The following FSTL4 variants were observed in gnomAD, a reference collection of about 807,000 sequenced individuals.
The protein encoded by FSTL4 is follistatin like 4, also known as follistatin-related protein 4.
FSTL4 carries 28 observed loss-of-function variants against 78.2 expected under a neutral mutation model. The ratio of observed to expected loss-of-function variants is 0.36; its 90% confidence interval spans 0.27 to 0.49. FSTL4 has a LOEUF of 0.49. Ranked by LOEUF, FSTL4 falls within the 20% of genes least tolerant of loss-of-function variation. The pLI is 0.98. For synonymous variants in FSTL4, 422 were observed against 440.5 expected (o/e 0.96, Z 0.53); for missense variants, 922 against 1,084.9 (o/e 0.85, Z 2.11).
intron 8 of FSTL4, among the ~76,000 whole-genome samples, chr5:133,231,447 C>A (rs1184413197): frequency 6.6e-6 from 1 of 152,082 alleles, no homozygotes; most frequent in African/African-American, 2.4e-5. Context: ...TGGCAGAGAC[C>A]CAACTCTTTC....
intron 6 of FSTL4, among the ~76,000 whole-genome samples, chr5:133,281,079 G>C (rs1752997132): frequency 6.6e-6 from 1 of 152,192 alleles, no homozygotes; most frequent in African/African-American, 2.4e-5. Context: ...CAGTTGGTGG[G>C]TGAGCAGTGA....
intron 6 of FSTL4, among the ~76,000 whole-genome samples, chr5:133,277,384 A>C (rs1050254229): frequency 6.6e-6 from 1 of 151,894 alleles, no homozygotes; most frequent in Non-Finnish European, 1.5e-5. Context: ...GATTGGGTGC[A>C]GGCAGGAAGG....
chr5:133,706,825 G>A, the FSTL4 span, among the ~76,000 whole-genome samples: 1 of 152,090 alleles, frequency 6.6e-6, no homozygotes, highest in Non-Finnish European at 1.5e-5. Flanking sequence ...TACTGCTCAG[G>A]GACAGGATGA....
At chr5:133,203,863 A>G (rs752488112) in intron 14 of FSTL4, among the ~76,000 whole-genome samples, 19 of 152,304 alleles carry the variant, frequency 1.2e-4, no homozygotes, top group Non-Finnish European at 2.2e-4. Flanking sequence ...ACGCAGTGCC[A>G]TGGGCCATTG....
At chr5:133,487,437 C>T (rs1758160050) in intron 3 of FSTL4, among the ~76,000 whole-genome samples, 1 of 152,150 alleles carries the variant, frequency 6.6e-6, no homozygotes, top group African/African-American at 2.4e-5. Flanking sequence ...TCACAAAGTC[C>T]CTGCATGTGC....
the FSTL4 span, among the ~76,000 whole-genome samples, chr5:133,781,364 GTTGTGTGTGTGTGTGTGT>G: frequency 1.1e-5 from 1 of 89,506 alleles, no homozygotes; most frequent in African/African-American, 4.3e-5. Flanking sequence ...TTGTTAAGCG[GTTGTGTGTGTGTGTGTGT>G]GTGTGTGTGT....
chr5:133,814,426 C>T, the FSTL4 span, among the ~76,000 whole-genome samples: 1 of 152,160 alleles, frequency 6.6e-6, no homozygotes, highest in African/African-American at 2.4e-5. Context: ...AATCTGTATT[C>T]CACACCAGTG....
intron 3 of FSTL4, among the ~76,000 whole-genome samples, chr5:133,502,824 G>T (rs1364375551): frequency 6.6e-6 from 1 of 152,156 alleles, no homozygotes; most frequent in African/African-American, 2.4e-5. Context: ...CTCAGTCTCA[G>T]GTATTTCTTT....
At chr5:133,305,837 G>C (rs995392964) in intron 6 of FSTL4, among the ~76,000 whole-genome samples, 1 of 152,178 alleles carries the variant, frequency 6.6e-6, no homozygotes, top group Non-Finnish European at 1.5e-5. Context: ...CCTCTGAAAG[G>C]CTCAGGTTGG....
At chr5:133,832,106 C>G in the FSTL4 span, among the ~76,000 whole-genome samples, 1 of 152,320 alleles carries the variant, frequency 6.6e-6, no homozygotes, top group African/African-American at 2.4e-5. Context: ...TTAACTGGGG[C>G]TTGTCTGAAG....
At chr5:133,666,521 A>G in the FSTL4 span, among the ~76,000 whole-genome samples, 6 of 152,126 alleles carry the variant, frequency 3.9e-5, no homozygotes, top group Non-Finnish European at 7.4e-5. Context: ...ACAGAAATAA[A>G]TATCCATGGT....
rs140355482 is a variant in FSTL4, at chr5:133,573,868, C to T, written c.127-6649G>A. Among the ~76,000 whole-genome samples the T allele has an allele frequency of 1.1e-4, 16 of 152,234 alleles. No homozygotes were observed. The East Asian group carries it at 1.7e-3, about 17-fold the overall frequency. ...GCAACCTCATGGAAAAAATGTTGGACGTATCTTAGAACATACATAAAAATC... is the reference window on the plus strand; with the variant it reads ...GCAACCTCATGGAAAAAATGTTGGATGTATCTTAGAACATACATAAAAATC... On this transcript the variant is annotated intron_variant, in intron 2 of 15. Transcript: ENST00000265342.
chr5:133,602,815 G>C (rs1283506908), intron 2 of FSTL4, among the ~76,000 whole-genome samples: 1 of 152,190 alleles, frequency 6.6e-6, no homozygotes, highest in Non-Finnish European at 1.5e-5. Context: ...AAAGATTAAG[G>C]CTGGTAGGTT....
At chr5:133,713,026 A>T in the FSTL4 span, among the ~76,000 whole-genome samples, 1 of 152,228 alleles carries the variant, frequency 6.6e-6, no homozygotes, top group African/African-American at 2.4e-5. Context: ...TCAACATTTC[A>T]ATCAATATTT....
chr5:133,409,002 A>G (rs922630351), intron 3 of FSTL4, among the ~76,000 whole-genome samples: 8 of 152,204 alleles, frequency 5.3e-5, no homozygotes, highest in African/African-American at 1.9e-4. Flanking sequence ...AAAGGTGAAC[A>G]TATTTATACT....
intron 14 of FSTL4, chr5:133,207,767 C>T (rs1750572979): frequency 2.0e-5 from 3 of 152,192 alleles, no homozygotes; most frequent in Non-Finnish European, 4.4e-5. Flanking sequence ...CCTGTCTCAG[C>T]CTATCAAGTA....
intron 3 of FSTL4, among the ~76,000 whole-genome samples, chr5:133,508,741 C>A (rs1419182815): frequency 6.6e-6 from 1 of 152,200 alleles, no homozygotes. Context: ...CCTGAAACCA[C>A]ATGAGTGAGA....
At chr5:133,642,746 A>G in the FSTL4 span, among the ~76,000 whole-genome samples, 2 of 152,240 alleles carry the variant, frequency 1.3e-5, no homozygotes, top group South Asian at 4.1e-4. Flanking sequence ...TTATTGCATT[A>G]TGCTCTTGTT....
chr5:133,210,348 C>A lies in FSTL4; in HGVS notation c.1609-50G>T, dbSNP rs376899307. 3.6e-6 allele frequency: 4 copies of A among 1,107,902 alleles called. No homozygotes were observed. In the African/African-American group the frequency reaches 6.1e-5, roughly 17 times the overall value. 68.6% of individuals were successfully genotyped at this position (1,107,902 alleles called of 1,614,324 possible). Reference sequence around the variant, plus strand: ...GTGAAAGCTGACATGATGGTCATTTCTGGGCGTTGTATGCATGGGCATCAC... The same window carrying A: ...GTGAAAGCTGACATGATGGTCATTTATGGGCGTTGTATGCATGGGCATCAC... On this transcript the variant is annotated intron_variant, in intron 13 of 15. Coordinates refer to ENST00000265342, the MANE Select transcript of FSTL4 (RefSeq NM_015082.2).
Sources: gnomAD v4.1 joint callset for allele counts (sites outside exome capture counted in the v4.1 genomes callset) on GRCh38, gnomAD v4.1.1 for gene constraint, MANE v1.5 for transcripts, NCBI Gene and HGNC (gene_info 2026-07-23, HGNC 2026-07-21) for gene names.